DAPK2: variants seen among roughly 807,000 people sequenced by gnomAD.
DAPK2 encodes death associated protein kinase 2.
DAPK2 carries 35 observed loss-of-function variants against 44.1 expected under a neutral mutation model. The observed-to-expected ratio is 0.79, with a 90% confidence interval of 0.61 to 1.05. The LOEUF is 1.05. Among genes scored for constraint, DAPK2 ranks in the 50% least tolerant of loss-of-function variants. DAPK2 has a pLI of 0.00. For synonymous variants in DAPK2, 174 were observed against 182.6 expected, an observed-to-expected ratio of 0.95 and a Z score of 0.38; for missense variants, 453 against 483.2, an observed-to-expected ratio of 0.94 and a Z score of 0.59.
intron 3 of DAPK2, among the ~76,000 whole-genome samples, chr15:63,945,617 G>C (rs141614741): frequency 6.6e-6 from 1 of 152,144 alleles, no homozygotes; most frequent in African/African-American, 2.4e-5. Context: ...AATAGAGCAG[G>C]GTGGTGCAAA....
upstream of DAPK2, among the ~76,000 whole-genome samples, chr15:64,044,271 A>T (rs2080410942): frequency 6.6e-6 from 1 of 152,110 alleles, no homozygotes; most frequent in African/African-American, 2.4e-5. Context: ...TTGGAATTCA[A>T]ATTCCTGCCT....
chr15:64,012,490 G>T (rs560981405), intron 1 of DAPK2, among the ~76,000 whole-genome samples: 3 of 152,142 alleles, frequency 2.0e-5, no homozygotes. Flanking sequence ...AAAAAGATGC[G>T]CATTTCAGCA....
chr15:64,022,643 C>T (rs886855395), intron 1 of DAPK2, among the ~76,000 whole-genome samples: 6 of 152,064 alleles, frequency 3.9e-5, no homozygotes, highest in Non-Finnish European at 7.3e-5. Flanking sequence ...TGGTGAGATG[C>T]CGTCTCTACA....
chr15:64,011,996 C>A (rs1362354090), intron 1 of DAPK2, among the ~76,000 whole-genome samples: 2 of 152,116 alleles, frequency 1.3e-5, no homozygotes, highest in East Asian at 1.9e-4. Context: ...TCTTTTCCAG[C>A]CCCCCAGCCT....
At chr15:63,981,212 G>A (rs1483012232) in intron 2 of DAPK2, among the ~76,000 whole-genome samples, 3 of 151,970 alleles carry the variant, frequency 2.0e-5, no homozygotes, top group Non-Finnish European at 2.9e-5. Context: ...TATAAGAAGT[G>A]AGACCTGAGA....
intron 1 of DAPK2, among the ~76,000 whole-genome samples, chr15:63,997,917 G>A (rs2078991308): frequency 6.6e-6 from 1 of 151,908 alleles, no homozygotes; most frequent in Non-Finnish European, 1.5e-5. Context: ...CGCCTCATAA[G>A]CTATGATGAT....
At chr15:63,967,222 C>A (rs2078078778) in intron 3 of DAPK2, among the ~76,000 whole-genome samples, 1 of 152,056 alleles carries the variant, frequency 6.6e-6, no homozygotes, top group South Asian at 2.1e-4. Context: ...ATAAATAAAA[C>A]CAGGTTCTGT....
intron 1 of DAPK2, among the ~76,000 whole-genome samples, chr15:63,985,921 G>C (rs1173781766): frequency 6.6e-6 from 1 of 152,204 alleles, no homozygotes; most frequent in African/African-American, 2.4e-5. Context: ...CGAGACAGCT[G>C]TGGCAATGAG....
chr15:63,926,218 G>T (rs2079259867), intron 6 of DAPK2, 125 bp from the exon 8 acceptor site: 10 of 1,090,312 alleles, frequency 9.2e-6, no homozygotes, highest in African/African-American at 1.6e-5. Context: ...AACACAGCCT[G>T]CCCCCTCTGG....
chr15:63,923,068 A>T lies in DAPK2; in HGVS notation c.858+1748T>A, dbSNP rs760668049. ...GGGACAGGTCATGCCGGGCGCTCTC[A>T]TTCTCCTCTCGGTACCAAGCTTCCT... On this transcript the variant is annotated intron_variant, in intron 8 of 10. Transcript: ENST00000261891. This position sits in a 1 kb window ranked among gnomAD's most constrained non-coding sequence, Gnocchi z 4.2. The T allele has an allele frequency of 2.6e-6, 4 of 1,535,618 alleles. No individual in the cohort carries two copies. The South Asian group carries it at 3.6e-5, about 14-fold the overall frequency.
chr15:63,929,448 TG>T, intron 6 of DAPK2, 102 bp downstream of exon 7: 1 of 1,443,884 alleles, frequency 6.9e-7, no homozygotes, highest in Non-Finnish European at 9.7e-7. Flanking sequence ...TGGATTATGG[TG>T]GGTGCTTAGT....
chr15:63,992,028 C>CG (rs2078834743), intron 1 of DAPK2, among the ~76,000 whole-genome samples: 1 of 152,044 alleles, frequency 6.6e-6, no homozygotes, highest in Non-Finnish European at 1.5e-5. Context: ...GTTGTTGTTG[C>CG]GGGGTACAGG....
At position 63,923,450 on chromosome 15, in the gene DAPK2, G is replaced by C; in HGVS notation, c.858+1366C>G. 6.8e-7 allele frequency: 1 copy of C among 1,464,836 alleles called. No individual in the cohort carries two copies. Among genetic ancestry groups the C allele is most frequent in the Non-Finnish European group, 9.0e-7 (1 of 1,111,760 alleles). 90.7% of individuals were successfully genotyped at this position (1,464,836 alleles called of 1,614,324 possible). ...ACACAAGCGGCCTCTGGCATTCACT[G>C]CATGCGTCAGGCCATGGGGAGAACC... On this transcript the variant is annotated intron_variant, in intron 8 of 10. Transcript: ENST00000261891. The surrounding 1 kb of genome is among the most constrained non-coding windows in gnomAD (Gnocchi z 4.2).
intron 1 of DAPK2, among the ~76,000 whole-genome samples, chr15:64,012,478 G>A (rs1436781938): frequency 2.6e-5 from 4 of 152,226 alleles, no homozygotes; most frequent in Non-Finnish European, 2.9e-5. Context: ...GCAGATGTAT[G>A]TAAAAAGATG....
At chr15:63,925,876 T>C in intron 7 of DAPK2, 65 bp downstream of exon 8, 1 of 1,598,838 alleles carries the variant, frequency 6.3e-7, no homozygotes, top group Non-Finnish European at 8.6e-7. Flanking sequence ...TACTGACAGG[T>C]CTTTGACAGA....
intron 2 of DAPK2, among the ~76,000 whole-genome samples, chr15:63,975,523 A>G (rs962757036): frequency 2.4e-4 from 36 of 152,100 alleles, no homozygotes; most frequent in African/African-American, 8.7e-4. Context: ...TAGCTAGTAA[A>G]TAGAGTCAGG....
At chr15:64,039,148 T>TC (rs1479438642) in intron 1 of DAPK2, among the ~76,000 whole-genome samples, 1 of 152,242 alleles carries the variant, frequency 6.6e-6, no homozygotes, top group Admixed American at 6.5e-5. Context: ...CCTGAGGCTG[T>TC]CATGGGCATG....
intron 1 of DAPK2, among the ~76,000 whole-genome samples, chr15:64,033,287 G>GGGAAGGAAGGAAGGAAGGAAGAAAGGAA (rs2080077959): frequency 3.9e-5 from 2 of 51,176 alleles, no homozygotes; most frequent in Admixed American, 2.3e-4. Flanking sequence ...AGGGGGAAGG[G>GGGAAGGAAGGAAGGAAGGAAGAAAGGAA]GGAAGGAAGG....
chr15:63,923,783 C>T lies in DAPK2; in HGVS notation c.858+1033G>A, dbSNP rs374516784. Among the ~76,000 whole-genome samples the T allele has an allele frequency of 6.6e-5, 10 of 152,340 alleles. No homozygotes were observed. The East Asian group carries it at 1.9e-3, about 29-fold the overall frequency. ...CTGAGCAGATAAAGCTGACCTCTTC[C>T]CAGACGACTCCAGCCCTCCCTGTTC... is the stretch of plus-strand genomic sequence containing the variant. On this transcript the variant is annotated intron_variant, in intron 8 of 10. Coordinates refer to ENST00000261891, the Ensembl canonical transcript of DAPK2. The surrounding 1 kb of genome is among the most constrained non-coding windows in gnomAD (Gnocchi z 4.2).
Sources: gnomAD v4.1 joint callset for allele counts (sites outside exome capture counted in the v4.1 genomes callset) on GRCh38, gnomAD v4.1.1 for gene constraint, Gnocchi (gnomAD v3.1) non-coding constraint, MANE v1.5 for transcripts, NCBI Gene and HGNC (gene_info 2026-07-23, HGNC 2026-07-21) for gene names.